The following BEND7 variants were observed in gnomAD, a reference collection of about 807,000 sequenced individuals.
BEND7 encodes the protein BEN domain containing 7, also known as BEN domain-containing protein 7.
A neutral mutation model predicts 50.9 loss-of-function variants in BEND7; 28 were observed. That is an observed-to-expected ratio of 0.55 (90% CI 0.41 to 0.75). The LOEUF (loss-of-function observed/expected upper bound fraction) is 0.75. BEND7 is among the 30% of genes least tolerant of loss of function. The probability of loss-of-function intolerance (pLI) is 0.00; values close to 1 mark genes in which losing one functional copy is unlikely to be tolerated. For synonymous variants in BEND7, 170 were observed against 183.9 expected, an observed-to-expected ratio of 0.92 and a Z score of 0.61; for missense variants, 477 against 491.3, an observed-to-expected ratio of 0.97 and a Z score of 0.28.
chr10:13,519,488 G>GAAA (rs60100723), intron 2 of BEND7, among the ~76,000 whole-genome samples: 4 of 145,826 alleles, frequency 2.7e-5, no homozygotes, highest in South Asian at 2.2e-4. Flanking sequence ...AAAAAAGAAA[G>GAAA]AAAAAAAAAA....
At chr10:13,464,935 C>G (rs971356526) in intron 6 of BEND7, among the ~76,000 whole-genome samples, 22 of 152,208 alleles carry the variant, frequency 1.4e-4, no homozygotes, top group African/African-American at 5.3e-4. Flanking sequence ...ACAGAGAAGA[C>G]AGCAGTGCAT....
chr10:13,448,893 T>A (rs1837046171), intron 7 of BEND7, among the ~76,000 whole-genome samples: 1 of 147,730 alleles, frequency 6.8e-6, no homozygotes, highest in Non-Finnish European at 1.5e-5. Flanking sequence ...GAGAATGGTG[T>A]GAACCCGGGA....
chr10:13,492,954 A>T, intron 4 of BEND7, 78 bp from the exon 5 acceptor site: 1 of 1,500,312 alleles, frequency 6.7e-7, no homozygotes, highest in Non-Finnish European at 9.0e-7. Flanking sequence ...TATCCATGTG[A>T]TCTACAAACT....
At position 13,449,958 on chromosome 10, in the gene BEND7, G is replaced by C. The variant is rs370061176; in HGVS notation, c.1183+2581C>G. ...CAATCAAGTTGGTAAATTTGGAAAA[G>C]ATTGAGCAAGTCCAATAAACATTTA... On this transcript the variant is annotated intron_variant, in intron 7 of 8. Transcript: ENST00000466271. Among the ~76,000 whole-genome samples, 25 of 152,276 alleles carry C rather than the reference G, an allele frequency of 1.6e-4. No homozygotes were observed. The East Asian group carries it at 3.3e-3, about 20-fold the overall frequency.
chr10:13,458,860 C>T (rs1390314078), intron 6 of BEND7, among the ~76,000 whole-genome samples: 1 of 152,196 alleles, frequency 6.6e-6, no homozygotes, highest in Non-Finnish European at 1.5e-5. Context: ...CCCTCCCACT[C>T]TCTTTCCTCT....
intron 2 of BEND7, among the ~76,000 whole-genome samples, chr10:13,524,523 A>G (rs1386757983): frequency 6.6e-6 from 1 of 151,928 alleles, no homozygotes; most frequent in Admixed American, 6.6e-5. Flanking sequence ...AGGTGCTTGT[A>G]ATCCCAGCTA....
At chr10:13,439,543 T>G, downstream of BEND7, 1 of 1,524,498 alleles carries the variant, frequency 6.6e-7, no homozygotes, top group Non-Finnish European at 8.8e-7. Flanking sequence ...ATGGAGTAAC[T>G]CACCTGTCTC....
At chr10:13,468,568 G>A (rs1358858558) in intron 6 of BEND7, among the ~76,000 whole-genome samples, 3 of 152,194 alleles carry the variant, frequency 2.0e-5, no homozygotes, top group Non-Finnish European at 1.5e-5. Context: ...TTGGTTTTCT[G>A]GGTGTTACTA....
chr10:13,519,393 G>A (rs7087985), intron 2 of BEND7, among the ~76,000 whole-genome samples: 29,714 of 151,578 alleles, frequency 0.2, 2,901 homozygotes, highest in Middle Eastern at 0.23. Context: ...GGAGAATGGC[G>A]TGAACCCGGG....
At chr10:13,466,948 C>T (rs1243219558) in intron 6 of BEND7, among the ~76,000 whole-genome samples, 3 of 152,180 alleles carry the variant, frequency 2.0e-5, no homozygotes, top group Non-Finnish European at 4.4e-5. Flanking sequence ...CAGGTCAGAC[C>T]GCAACCCAGA....
intron 3 of BEND7, 144 bp from the exon 4 acceptor site, chr10:13,497,032 C>G (rs1376795780): frequency 1.0e-6 from 1 of 983,064 alleles, no homozygotes; most frequent in South Asian, 1.8e-5. Context: ...CTAAGGAAAA[C>G]GTACCCACTA....
At chr10:13,511,939 G>A (rs1227463852) in intron 2 of BEND7, among the ~76,000 whole-genome samples, 1 of 152,200 alleles carries the variant, frequency 6.6e-6, no homozygotes, top group Non-Finnish European at 1.5e-5. Flanking sequence ...CTCCATTCAT[G>A]AGACTATCAA....
At chr10:13,465,832 T>G (rs2074190831) in intron 6 of BEND7, among the ~76,000 whole-genome samples, 1 of 152,082 alleles carries the variant, frequency 6.6e-6, no homozygotes, top group African/African-American at 2.4e-5. Context: ...AGAGTCTTGT[T>G]GAATCCCAGT....
intron 4 of BEND7, among the ~76,000 whole-genome samples, chr10:13,495,573 A>T (rs1319236826): frequency 6.6e-6 from 1 of 152,156 alleles, no homozygotes; most frequent in Non-Finnish European, 1.5e-5. Context: ...GAGGCAGGAG[A>T]ATCGCTTGAA....
At chr10:13,439,370 A>C (rs761381605), downstream of BEND7, 4 of 1,613,984 alleles carry the variant, frequency 2.5e-6, no homozygotes, top group Non-Finnish European at 3.4e-6. Context: ...GGAGCACGAG[A>C]TGCTGCTCCT....
Position 13,492,686 on chromosome 10 carries a change from C to T in BEND7, c.762G>A (p.Gln254=). 1.2e-6 allele frequency: 2 copies of T among 1,614,172 alleles called. No individual in the cohort carries two copies. The highest frequency in any genetic ancestry group is 2.2e-5 in the East Asian group (1 of 44,884). ...SVVASELSAL[Q]AAEHTSPEES... ...CCTCCGGGGAGGTGTGCTCGGCTGC[C>T]TGGAGAGCAGATAGCTCAGAGGCCA... The change falls in exon 5 of 9, where the codon CAG becomes CAA. Residue 254 remains glutamine (Q), a synonymous_variant. Coordinates refer to ENST00000466271, the MANE Select transcript of BEND7 (RefSeq NM_001369863.1).
chr10:13,500,989 G>A (rs1019176837), intron 2 of BEND7: 9 of 243,192 alleles, frequency 3.7e-5, no homozygotes, highest in South Asian at 3.0e-4. Context: ...TTTTTCTCCC[G>A]TCTCAGGACA....
chr10:13,458,806 G>A (rs1160558859), intron 6 of BEND7, among the ~76,000 whole-genome samples: 1 of 152,074 alleles, frequency 6.6e-6, no homozygotes, highest in Non-Finnish European at 1.5e-5. Flanking sequence ...AGTCATGGCA[G>A]GCAGCCCGCC....
At chr10:13,461,079 A>G (rs924414869) in intron 6 of BEND7, among the ~76,000 whole-genome samples, 4 of 152,190 alleles carry the variant, frequency 2.6e-5, no homozygotes, top group African/African-American at 9.6e-5. Flanking sequence ...GGGAGTGGGT[A>G]GCGGGGAAAG....
Sources: allele counts gnomAD v4.1 joint callset (sites outside exome capture counted in the v4.1 genomes callset), GRCh38; gene constraint gnomAD v4.1.1; transcripts MANE v1.5; gene names NCBI Gene and HGNC (gene_info 2026-07-23, HGNC 2026-07-21).